PLCG2: variants seen among roughly 807,000 people sequenced by gnomAD.
The protein encoded by PLCG2 is 1-phosphatidylinositol 4,5-bisphosphate phosphodiesterase gamma-2.
In PLCG2, 69 loss-of-function variants were observed where a neutral mutation model predicts 175.6. The ratio of observed to expected loss-of-function variants is 0.39; its 90% CI spans 0.32 to 0.48. The LOEUF is 0.48. PLCG2 is among the 20% of genes least tolerant of loss of function. The pLI is 0.91. For synonymous variants in PLCG2, 827 were observed against 624.0 expected (o/e 1.33, Z -4.85); for missense variants, 1,798 against 1,650.9 (o/e 1.09, Z -1.54).
chr16:81,907,809 C>G (rs1427650198), intron 16 of PLCG2, 35 bp downstream of exon 16: 1 of 1,507,560 alleles, frequency 6.6e-7, no homozygotes, highest in Non-Finnish European at 9.2e-7. Context: ...GGGAGGAGGT[C>G]CCCAGGAACC....
At position 81,750,971 on chromosome 16, in the gene PLCG2, CTTTTTTTTTTTT is replaced by C. The variant is rs34518159; in HGVS notation, c.-144-4884_-144-4873del. ...TACAGGCGTGAGCCACCGCACCCAG[CTTTTTTTTTTTT>C]TTTTTTTTTTTTTTCAAACAGAGTT... On this transcript the variant is annotated intron_variant, in intron 1 of 5. Transcript: ENST00000565054. 2.6e-4 allele frequency among the ~76,000 whole-genome samples: 11 copies of C among 41,738 alleles called. No homozygotes were observed. In the South Asian group the frequency reaches 8.9e-3, roughly 34 times the overall value. The allele number at this position is 41,738 out of a possible 152,430, so 27.4% of individuals were successfully genotyped here. A position where few individuals can be genotyped will look rare whatever the true frequency, so the allele number is the denominator to read the frequency against.
At chr16:81,934,343 T>G (rs1778781080) in intron 25 of PLCG2, 86 bp from the exon 26 acceptor site, 1 of 774,814 alleles carries the variant, frequency 1.3e-6, no homozygotes, top group African/African-American at 1.8e-5. Context: ...GAAAGCAAAG[T>G]GGGGATGGAG....
chr16:81,816,127 T>C (rs964757294), intron 2 of PLCG2, among the ~76,000 whole-genome samples: 13 of 151,408 alleles, frequency 8.6e-5, no homozygotes, highest in Admixed American at 6.6e-4. Context: ...TCCCAGCACT[T>C]TGGGAGGCTG....
chr16:81,927,561 C>A (rs1432131813), intron 23 of PLCG2, among the ~76,000 whole-genome samples: 1 of 152,104 alleles, frequency 6.6e-6, no homozygotes, highest in Non-Finnish European at 1.5e-5. Flanking sequence ...TGGGCCTAAC[C>A]AGAGGTGAGA....
intron 1 of PLCG2, chr16:81,740,123 G>A (rs1254862231): frequency 1.1e-5 from 1 of 90,422 alleles, no homozygotes; most frequent in South Asian, 3.7e-4. Context: ...GGGTAACAAA[G>A]CAAGACTCTG....
At chr16:81,785,379 G>A (rs1183202652) in intron 1 of PLCG2, among the ~76,000 whole-genome samples, 3 of 152,166 alleles carry the variant, frequency 2.0e-5, no homozygotes, top group South Asian at 4.1e-4. Flanking sequence ...GGGTTTGAAC[G>A]TGAAGCTGCC....
chr16:81,951,460 G>A (rs528760225), intron 31 of PLCG2, among the ~76,000 whole-genome samples: 6 of 152,046 alleles, frequency 3.9e-5, no homozygotes, highest in African/African-American at 9.6e-5. Context: ...AGATAAAACA[G>A]GTTTAGGATC....
At chr16:81,926,727 A>G (rs541676855) in intron 22 of PLCG2, among the ~76,000 whole-genome samples, 1 of 152,302 alleles carries the variant, frequency 6.6e-6, no homozygotes, top group South Asian at 2.1e-4. Flanking sequence ...GTCTGCCTCC[A>G]GAACCACCTT....
intron 2 of PLCG2, among the ~76,000 whole-genome samples, chr16:81,804,867 G>A (rs186265940): frequency 5.3e-4 from 80 of 152,360 alleles, no homozygotes; most frequent in Non-Finnish European, 5.6e-4. Flanking sequence ...AAGCTTGGGA[G>A]CAGTATTGAG....
chr16:81,942,239 A>AGAGTT (rs1194343828), intron 30 of PLCG2, among the ~76,000 whole-genome samples: 2 of 152,186 alleles, frequency 1.3e-5, no homozygotes, highest in South Asian at 2.1e-4. Flanking sequence ...CAGAGATGTC[A>AGAGTT]GAGTTGATGA....
intron 31 of PLCG2, among the ~76,000 whole-genome samples, chr16:81,949,902 A>G (rs1597153040): frequency 6.6e-6 from 1 of 152,234 alleles, no homozygotes; most frequent in South Asian, 2.1e-4. Flanking sequence ...CAGTCAGTAA[A>G]TAAACTATAC....
In PLCG2 at chr16:81,893,653, C is replaced by T. The variant is rs115100804; in HGVS notation, c.987-56C>T. 2,353 of 1,050,622 alleles carry T rather than the reference C, an allele frequency of 2.2e-3. 36 individuals are homozygous for T. In the African/African-American group the frequency reaches 0.032, roughly 14 times the overall value. 65.1% of individuals were successfully genotyped at this position (1,050,622 alleles called of 1,614,324 possible). A position where few individuals can be genotyped will look rare whatever the true frequency, so the allele number is the denominator to read the frequency against. On this transcript the variant is annotated intron_variant, in intron 11 of 32. Coordinates refer to ENST00000564138, the MANE Select transcript of PLCG2 (RefSeq NM_002661.5). The stretch of plus-strand genomic sequence containing the variant: ...CACAACACCCTGAGGTGCAGGCTTG[C>T]CCCCCAACCCCTGTGGCTGCCACTC...
intron 20 of PLCG2, among the ~76,000 whole-genome samples, chr16:81,920,850 C>A (rs1180823400): frequency 6.6e-6 from 1 of 152,166 alleles, no homozygotes; most frequent in African/African-American, 2.4e-5. Context: ...GTCGTTGAAC[C>A]TGGAACGTGG....
At position 81,918,246 on chromosome 16, in the gene PLCG2, T is replaced by G. The variant is rs966014458; in HGVS notation, c.2055-1238T>G. Among the ~76,000 whole-genome samples the G allele has an allele frequency of 2.0e-5, 3 of 152,200 alleles. No individual in the cohort carries two copies. In the East Asian group the frequency reaches 5.8e-4, roughly 29 times the overall value. On this transcript the variant is annotated intron_variant, in intron 19 of 32. Transcript: ENST00000564138. ...CTTTCACTTTTGTTGCCTGTGCTTT[T>G]GGGGTCATATCTGAAAAATAATTGC...
intron 31 of PLCG2, among the ~76,000 whole-genome samples, chr16:81,950,699 A>T (rs1272477722): frequency 2.0e-5 from 3 of 152,220 alleles, no homozygotes; most frequent in Non-Finnish European, 4.4e-5. Flanking sequence ...AGACACAAAA[A>T]GATGGCAAAA....
intron 1 of PLCG2, among the ~76,000 whole-genome samples, chr16:81,742,158 G>T (rs868823487): frequency 1.4e-5 from 2 of 143,058 alleles, no homozygotes; most frequent in Non-Finnish European, 3.1e-5. Context: ...TGGGGGCGGG[G>T]GGGGGGGCGG....
At chr16:81,796,637 C>G (rs1911481019) in intron 2 of PLCG2, among the ~76,000 whole-genome samples, 1 of 152,192 alleles carries the variant, frequency 6.6e-6, no homozygotes, top group African/African-American at 2.4e-5. Flanking sequence ...GAGATGAAAT[C>G]ATAATGGAAT....
chr16:81,896,518 C>T (rs908166691), intron 13 of PLCG2, among the ~76,000 whole-genome samples: 8 of 151,874 alleles, frequency 5.3e-5, no homozygotes, highest in African/African-American at 1.9e-4. Flanking sequence ...GCAGAGGTTA[C>T]AGTGAGGTCA....
chr16:81,840,562 C>A (rs1056454336), intron 2 of PLCG2, among the ~76,000 whole-genome samples: 124 of 152,300 alleles, frequency 8.1e-4, no homozygotes, highest in African/African-American at 2.9e-3. Flanking sequence ...AGTGACAGAT[C>A]ATCAGGCATT....
Sources: gnomAD v4.1 joint callset for allele counts (sites outside exome capture counted in the v4.1 genomes callset) on GRCh38, gnomAD v4.1.1 for gene constraint, MANE v1.5 for transcripts, NCBI Gene and HGNC (gene_info 2026-07-23, HGNC 2026-07-21) for gene names.